KCNQ1OT1: variants seen among roughly 807,000 people sequenced by gnomAD.
The protein encoded by KCNQ1OT1 is KCNQ1 opposite strand/antisense transcript 1.
Position 2,651,184 on chromosome 11 carries a change from GT to G in KCNQ1OT1, n.48810del. ...GATCTTGCTGCTTCCCTACTCAAAT[GT>G]TCCGACAGCTTCCTGTCACCCTGTC... On this transcript the variant is annotated non_coding_transcript_exon_variant, in exon 1 of 1. Coordinates refer to ENST00000597346, the Ensembl canonical transcript of KCNQ1OT1. This position sits in a 1 kb window ranked among gnomAD's most constrained non-coding sequence, Gnocchi z 6.1. 7.5e-6 allele frequency: 3 copies of G among 397,756 alleles called. No homozygotes were observed. Among genetic ancestry groups the G allele is most frequent in the African/African-American group, 6.2e-5 (3 of 48,442 alleles). 24.6% of individuals were successfully genotyped at this position (397,756 alleles called of 1,614,324 possible). A position where few individuals can be genotyped will look rare whatever the true frequency, so the allele number is the denominator to read the frequency against.
Position 2,611,872 on chromosome 11 carries a change from A to T in KCNQ1OT1, n.88123T>A, listed in dbSNP as rs1848984067. On this transcript the variant is annotated non_coding_transcript_exon_variant, in exon 1 of 1. Coordinates refer to ENST00000597346, the Ensembl canonical transcript of KCNQ1OT1. This position sits in a 1 kb window ranked among gnomAD's most constrained non-coding sequence, Gnocchi z 5.3. ...ATTCCTTTGTTAGTTTATTTCCCCC[A>T]TTTTTAAAGTGTAATCTGGAGGTTA... 2.5e-6 allele frequency: 1 copy of T among 398,112 alleles called. No homozygotes were observed. Among genetic ancestry groups the T allele is most frequent in the African/African-American group, 2.1e-5 (1 of 48,524 alleles). The allele number at this position is 398,112 out of a possible 1,614,324, so 24.7% of individuals were successfully genotyped here.
exon 1 of KCNQ1OT1, chr11:2,632,781 C>T: frequency 2.5e-6 from 1 of 398,344 alleles, no homozygotes; most frequent in Non-Finnish European, 4.4e-6. Context: ...GAATAATATT[C>T]CATTGTGTAT....
exon 1 of KCNQ1OT1, chr11:2,649,828 T>G (rs1564845091): frequency 2.5e-6 from 1 of 398,532 alleles, no homozygotes. Flanking sequence ...TATCTGTTAG[T>G]CTCTTTCTCT....
chr11:2,658,020 A>T lies in KCNQ1OT1; in HGVS notation n.41975T>A. 1 of 398,542 alleles carries T rather than the reference A, an allele frequency of 2.5e-6. No homozygotes were observed. The highest frequency in any genetic ancestry group is 3.6e-5 in the East Asian group (1 of 28,076). The allele number at this position is 398,542 out of a possible 1,614,324, so 24.7% of individuals were successfully genotyped here. On this transcript the variant is annotated non_coding_transcript_exon_variant, in exon 1 of 1. Coordinates refer to ENST00000597346, the Ensembl canonical transcript of KCNQ1OT1. The surrounding 1 kb of genome is among the most constrained non-coding windows in gnomAD (Gnocchi z 4.9). The stretch of plus-strand genomic sequence containing the variant: ...TGAATAGCTGTTTTTCCCTTTCCAT[A>T]GCTTAGTCTTTAGAAGCGAGTCACT...
At chr11:2,625,927 A>G (rs1849254598) in exon 1 of KCNQ1OT1, 2 of 398,564 alleles carry the variant, frequency 5.0e-6, no homozygotes, top group South Asian at 1.3e-4. Flanking sequence ...AGTTCTCTGT[A>G]TAATCTGGAC....
At position 2,626,982 on chromosome 11, in the gene KCNQ1OT1, G is replaced by T; in HGVS notation, n.73013C>A. The T allele has an allele frequency of 2.5e-6, 1 of 398,554 alleles. No homozygotes were observed. Among genetic ancestry groups the T allele is most frequent in the Non-Finnish European group, 4.4e-6 (1 of 226,044 alleles). The allele number at this position is 398,554 out of a possible 1,614,324, so 24.7% of individuals were successfully genotyped here. A position where few individuals can be genotyped will look rare whatever the true frequency, so the allele number is the denominator to read the frequency against. ...ATAACATCATTAGGATTTTTATTGG[G>T]ATTACCTTGGATTTGTAGATTGTTT... On this transcript the variant is annotated non_coding_transcript_exon_variant, in exon 1 of 1. Coordinates refer to ENST00000597346, the Ensembl canonical transcript of KCNQ1OT1. This position sits in a 1 kb window ranked among gnomAD's most constrained non-coding sequence, Gnocchi z 4.0.
chr11:2,631,819 C>T (rs1271862551), exon 1 of KCNQ1OT1: 2 of 398,478 alleles, frequency 5.0e-6, no homozygotes, highest in Non-Finnish European at 8.8e-6. Flanking sequence ...GCTGAGTGTC[C>T]TGATGCTGTC....
exon 1 of KCNQ1OT1, chr11:2,696,815 AT>A: frequency 2.5e-6 from 1 of 398,450 alleles, no homozygotes; most frequent in South Asian, 1.3e-4. Flanking sequence ...TGCTATTCTG[AT>A]TGCTGTCCTA....
At chr11:2,634,005 T>A (rs1244210884) in exon 1 of KCNQ1OT1, 2 of 398,550 alleles carry the variant, frequency 5.0e-6, no homozygotes. Flanking sequence ...TGTATTTTGA[T>A]GTCAGGCAGT....
rs1365771542 is a variant in KCNQ1OT1 at position 2,612,752 on chromosome 11, A to G, written n.87243T>C. On this transcript the variant is annotated non_coding_transcript_exon_variant, in exon 1 of 1. Coordinates refer to ENST00000597346, the Ensembl canonical transcript of KCNQ1OT1. The surrounding 1 kb of genome is among the most constrained non-coding windows in gnomAD (Gnocchi z 5.5). Reference sequence around the variant, plus strand: ...GGCCCTTCAGAGATAATTCCTATTTATTGCTCATTATTCTTGTTCAAGGGT... The same window carrying G: ...GGCCCTTCAGAGATAATTCCTATTTGTTGCTCATTATTCTTGTTCAAGGGT... 11 of 398,304 alleles carry G rather than the reference A, an allele frequency of 2.8e-5. No individual in the cohort carries two copies. Among genetic ancestry groups the G allele is most frequent in the Non-Finnish European group, 4.9e-5 (11 of 226,016 alleles). 24.7% of individuals were successfully genotyped at this position (398,304 alleles called of 1,614,324 possible).
At position 2,652,546 on chromosome 11, in the gene KCNQ1OT1, C is replaced by T. The variant is rs994114741; in HGVS notation, n.47449G>A. The T allele has an allele frequency of 2.5e-5, 10 of 398,474 alleles. No individual in the cohort carries two copies. Among genetic ancestry groups the T allele is most frequent in the African/African-American group, 2.1e-4 (10 of 48,598 alleles). 24.7% of individuals were successfully genotyped at this position (398,474 alleles called of 1,614,324 possible). ...AACTCTTGGAGAAGATAGTGCTTAA[C>T]CCAGATTCCATTGTATATTAAAGTT... On this transcript the variant is annotated non_coding_transcript_exon_variant, in exon 1 of 1. Coordinates refer to ENST00000597346, the Ensembl canonical transcript of KCNQ1OT1. This position sits in a 1 kb window ranked among gnomAD's most constrained non-coding sequence, Gnocchi z 5.9.
chr11:2,662,793 G>T (rs1458813104), exon 1 of KCNQ1OT1: 5 of 398,964 alleles, frequency 1.3e-5, no homozygotes, highest in Non-Finnish European at 2.2e-5. Flanking sequence ...ATGTCTTTGT[G>T]TCAAGATCTG....
At position 2,657,848 on chromosome 11, in the gene KCNQ1OT1, C is replaced by T; in HGVS notation, n.42147G>A. 2.5e-6 allele frequency: 1 copy of T among 398,512 alleles called. No individual in the cohort carries two copies. The highest frequency in any genetic ancestry group is 4.4e-6 in the Non-Finnish European group (1 of 226,054). The allele number at this position is 398,512 out of a possible 1,614,324, so 24.7% of individuals were successfully genotyped here. On this transcript the variant is annotated non_coding_transcript_exon_variant, in exon 1 of 1. Coordinates refer to ENST00000597346, the Ensembl canonical transcript of KCNQ1OT1. This position sits in a 1 kb window ranked among gnomAD's most constrained non-coding sequence, Gnocchi z 4.8. ...TGTCTGGTGTTTTCTCAGGACTAGA[C>T]CAGGGTTATAGGTTTAGGGGAAGGA... is the stretch of plus-strand genomic sequence containing the variant.
chr11:2,668,458 C>A lies in KCNQ1OT1; in HGVS notation n.31537G>T. 1 of 398,610 alleles carries A rather than the reference C, an allele frequency of 2.5e-6. No individual in the cohort carries two copies. The highest frequency in any genetic ancestry group is 3.6e-5 in the East Asian group (1 of 28,068). The allele number at this position is 398,610 out of a possible 1,614,324, so 24.7% of individuals were successfully genotyped here. On this transcript the variant is annotated non_coding_transcript_exon_variant, in exon 1 of 1. Coordinates refer to ENST00000597346, the Ensembl canonical transcript of KCNQ1OT1. The surrounding 1 kb of genome is among the most constrained non-coding windows in gnomAD (Gnocchi z 4.3). ...GGCTGCTCCACATCCTAACACTTGG[C>A]ATTTTCCGTCGTTTCCTTTTCAGCC...
At position 2,638,087 on chromosome 11, in the gene KCNQ1OT1, G is replaced by T. The variant is rs1849507136; in HGVS notation, n.61908C>A. 4 of 152,218 alleles carry T rather than the reference G, an allele frequency of 2.6e-5. No homozygotes were observed. In the South Asian group the frequency reaches 8.3e-4, roughly 32 times the overall value. 9.4% of individuals were successfully genotyped at this position (152,218 alleles called of 1,614,324 possible). On this transcript the variant is annotated non_coding_transcript_exon_variant, in exon 1 of 1. Coordinates refer to ENST00000597346, the Ensembl canonical transcript of KCNQ1OT1. ...CTATGTGTGTCTCTGCACGTGAGAT[G>T]GGTCTCCTGAATACAGCACACTGAT...
At chr11:2,672,478 C>A in exon 1 of KCNQ1OT1, 1 of 398,666 alleles carries the variant, frequency 2.5e-6, no homozygotes, top group South Asian at 1.3e-4. Context: ...CTAAGGTCCC[C>A]ACATTCCATG....
Position 2,621,811 on chromosome 11 carries a change from G to A in KCNQ1OT1, n.78184C>T. ...TTTATTTTTCAAAAATCAATTCTTT[G>A]TTTCAAAAATTGAAGTCTTAGTTTT... On this transcript the variant is annotated non_coding_transcript_exon_variant, in exon 1 of 1. Transcript: ENST00000597346. This position sits in a 1 kb window ranked among gnomAD's most constrained non-coding sequence, Gnocchi z 5.7. 2.5e-6 allele frequency: 1 copy of A among 398,034 alleles called. No individual in the cohort carries two copies. The highest frequency in any genetic ancestry group is 1.3e-4 in the South Asian group (1 of 7,846). The allele number at this position is 398,034 out of a possible 1,614,324, so 24.7% of individuals were successfully genotyped here. A position where few individuals can be genotyped will look rare whatever the true frequency, so the allele number is the denominator to read the frequency against.
Position 2,642,037 on chromosome 11 carries a change from T to G in KCNQ1OT1, n.57958A>C, listed in dbSNP as rs1204610891. ...TGCTTTTAATGCTATAGCCTTATAT[T>G]TTTAAATCAGGCAGTGTGATGCATC... On this transcript the variant is annotated non_coding_transcript_exon_variant, in exon 1 of 1. Coordinates refer to ENST00000597346, the Ensembl canonical transcript of KCNQ1OT1. This position sits in a 1 kb window ranked among gnomAD's most constrained non-coding sequence, Gnocchi z 4.3. The G allele has an allele frequency of 5.0e-6, 2 of 398,346 alleles. No homozygotes were observed. Among genetic ancestry groups the G allele is most frequent in the Non-Finnish European group, 8.9e-6 (2 of 225,960 alleles). The allele number at this position is 398,346 out of a possible 1,614,324, so 24.7% of individuals were successfully genotyped here.
At chr11:2,615,077 T>C in exon 1 of KCNQ1OT1, 2 of 398,308 alleles carry the variant, frequency 5.0e-6, no homozygotes, top group Middle Eastern at 6.3e-4. Context: ...TTGTCAACAG[T>C]GTTTTGTAGT....
Sources: gnomAD v4.1 joint callset for allele counts on GRCh38, gnomAD v4.1.1 for gene constraint, Gnocchi (gnomAD v3.1) non-coding constraint, MANE v1.5 for transcripts, NCBI Gene and HGNC (gene_info 2026-07-23, HGNC 2026-07-21) for gene names.